LRRC3C: variants seen among roughly 807,000 people sequenced by gnomAD.
LRRC3C encodes leucine rich repeat containing 3C, also known as leucine-rich repeat-containing protein 3C.
In LRRC3C, 11 loss-of-function variants were observed where a neutral mutation model predicts 14.8. The observed-to-expected ratio is 0.74, with a 90% CI of 0.47 to 1.23. The LOEUF is 1.23. Ranked by LOEUF, LRRC3C falls within the 50% of genes most tolerant of loss-of-function variation. The probability of loss-of-function intolerance (pLI) is 0.00; values close to 1 mark genes in which losing one functional copy is unlikely to be tolerated. For missense variants in LRRC3C, 354 were observed against 361.8 expected (o/e 0.98, Z 0.18); for synonymous variants, 149 against 161.5 (o/e 0.92, Z 0.59).
chr17:39,936,979 TA>T (rs1176048682), intron 2 of LRRC3C, among the ~76,000 whole-genome samples: 4 of 146,710 alleles, frequency 2.7e-5, no homozygotes, highest in African/African-American at 1.0e-4. Flanking sequence ...ATAACATTAA[TA>T]AAAAAAATTG....
chr17:39,939,288 G>T, intron 2 of LRRC3C: 1 of 909,362 alleles, frequency 1.1e-6, no homozygotes, highest in Non-Finnish European at 1.3e-6. Context: ...AGGAGGGAAG[G>T]GATGATTCTG....
intron 1 of LRRC3C, among the ~76,000 whole-genome samples, chr17:39,932,045 G>A (rs1454702501): frequency 6.6e-6 from 1 of 152,130 alleles, no homozygotes; most frequent in African/African-American, 2.4e-5. Context: ...AAATAGAGCA[G>A]CACTGGTAAC....
intron 3 of LRRC3C, among the ~76,000 whole-genome samples, chr17:39,942,642 A>G (rs1978969510): frequency 1.3e-5 from 2 of 152,236 alleles, no homozygotes; most frequent in South Asian, 4.1e-4. Context: ...GAACCACAGC[A>G]CCCCTGGCAG....
intron 1 of LRRC3C, chr17:39,934,640 T>TGTACGATAA (rs1421198551): frequency 6.6e-6 from 1 of 152,214 alleles, no homozygotes; most frequent in African/African-American, 2.4e-5. Context: ...TTAACTGAAC[T>TGTACGATAA]ATGTAACGGA....
At position 39,944,520 on chromosome 17, in the gene LRRC3C, G is replaced by A. The variant is rs986807375; in HGVS notation, c.614G>A (p.Gly205Glu). 1 of 1,498,368 alleles carries A rather than the reference G, an allele frequency of 6.7e-7. No homozygotes were observed. The highest frequency in any genetic ancestry group is 1.3e-5 in the South Asian group (1 of 77,802). 92.8% of individuals were successfully genotyped at this position (1,498,368 alleles called of 1,614,324 possible). A position where few individuals can be genotyped will look rare whatever the true frequency, so the allele number is the denominator to read the frequency against. The change falls in exon 4 of 4, where the codon GGG (glycine) becomes GAG (glutamate). Residue 205 changes from glycine to glutamate, a missense_variant. Transcript: ENST00000377924. ...LVGQEFLLLAGEEELCGSGWG... is the reference protein window; with the variant it reads ...LVGQEFLLLAEEEELCGSGWG... ...GGGCAGGAGTTCCTGCTGCTGGCAG[G>A]GGAGGAAGAGCTGTGTGGGTCGGGG... is the stretch of plus-strand genomic sequence containing the variant.
chr17:39,938,307 G>A (rs1369045053), intron 2 of LRRC3C, among the ~76,000 whole-genome samples: 2 of 152,150 alleles, frequency 1.3e-5, no homozygotes, highest in East Asian at 3.9e-4. Flanking sequence ...TGTTGGTTGA[G>A]TAGCTCAGCG....
intron 3 of LRRC3C, 60 bp from the exon 4 acceptor site, chr17:39,943,873 G>A (rs1978999920): frequency 6.7e-7 from 1 of 1,499,226 alleles, no homozygotes; most frequent in Admixed American, 2.0e-5. Flanking sequence ...GAGAAAGCTG[G>A]CAGTGGGGCA....
At chr17:39,932,309 T>C (rs1978670461) in intron 1 of LRRC3C, among the ~76,000 whole-genome samples, 1 of 152,206 alleles carries the variant, frequency 6.6e-6, no homozygotes. Context: ...TCCTGGCACA[T>C]AATTAAGTGC....
At chr17:39,940,475 C>T (rs946672504) in intron 2 of LRRC3C, among the ~76,000 whole-genome samples, 1 of 152,142 alleles carries the variant, frequency 6.6e-6, no homozygotes, top group Non-Finnish European at 1.5e-5. Context: ...TGCAGTGGTG[C>T]AATCACAGCT....
chr17:39,935,766 G>A (rs568675877), intron 1 of LRRC3C, 36 bp from the exon 2 acceptor site: 1 of 921,702 alleles, frequency 1.1e-6, no homozygotes, highest in African/African-American at 1.8e-5. Context: ...ATGGCAGCAT[G>A]AAGTGTATGT....
intron 1 of LRRC3C, among the ~76,000 whole-genome samples, chr17:39,929,937 G>A (rs966376661): frequency 6.6e-6 from 1 of 152,118 alleles, no homozygotes; most frequent in African/African-American, 2.4e-5. Flanking sequence ...ATTCCCCAGG[G>A]ATATAGTCAG....
chr17:39,928,394 G>T (rs1329028117), intron 1 of LRRC3C, among the ~76,000 whole-genome samples: 1 of 152,202 alleles, frequency 6.6e-6, no homozygotes, highest in East Asian at 1.9e-4. Flanking sequence ...TTTATTGGCA[G>T]TGTGACCCTG....
At chr17:39,941,389 G>A (rs953423439) in intron 2 of LRRC3C, 54 bp from the exon 3 acceptor site, 4 of 501,928 alleles carry the variant, frequency 8.0e-6, no homozygotes, top group African/African-American at 6.2e-5. Context: ...TTCTTAACAG[G>A]TTTTTGAAAC....
chr17:39,939,952 T>C (rs1212180470), intron 2 of LRRC3C, among the ~76,000 whole-genome samples: 1 of 152,166 alleles, frequency 6.6e-6, no homozygotes, highest in Non-Finnish European at 1.5e-5. Context: ...GCTCAATTCT[T>C]GTGCCTCAGT....
chr17:39,927,874 A>G (rs1978528109), intron 1 of LRRC3C, 60 bp downstream of exon 1: 2 of 985,310 alleles, frequency 2.0e-6, no homozygotes, highest in African/African-American at 1.7e-5. Context: ...TCCGTGCCCC[A>G]GTTTTGCAGA....
chr17:39,930,708 CAAAA>C (rs71300058), intron 1 of LRRC3C, among the ~76,000 whole-genome samples: 1 of 70,646 alleles, frequency 1.4e-5, no homozygotes. Context: ...GGCTCTGTCT[CAAAA>C]AAAAAAAAAA....
intron 3 of LRRC3C, among the ~76,000 whole-genome samples, chr17:39,943,237 C>A (rs1284996691): frequency 6.6e-6 from 1 of 152,132 alleles, no homozygotes; most frequent in Admixed American, 6.5e-5. Flanking sequence ...GTCTCCAGAG[C>A]CCAGCAGCAG....
At chr17:39,935,294 T>A (rs1200972517) in intron 1 of LRRC3C, among the ~76,000 whole-genome samples, 1 of 151,968 alleles carries the variant, frequency 6.6e-6, no homozygotes, top group Non-Finnish European at 1.5e-5. Flanking sequence ...CTACCTCACC[T>A]GTCACCTTCT....
chr17:39,938,934 C>T (rs1598294223), intron 2 of LRRC3C, among the ~76,000 whole-genome samples: 2 of 150,550 alleles, frequency 1.3e-5, no homozygotes, highest in African/African-American at 4.9e-5. Flanking sequence ...TGTAGTGAAG[C>T]GAGATCATGC....
Sources: gnomAD v4.1 joint callset for allele counts (sites outside exome capture counted in the v4.1 genomes callset) on GRCh38, gnomAD v4.1.1 for gene constraint, MANE v1.5 for transcripts, NCBI Gene and HGNC (gene_info 2026-07-23, HGNC 2026-07-21) for gene names.